The following SLC60A1 variants were observed in gnomAD, a reference collection of about 807,000 sequenced individuals.
SLC60A1 encodes the protein major facilitator superfamily domain containing 4.
At chr1:205,586,234 C>G in the SLC60A1 span, 1 of 1,611,344 alleles carries the variant, frequency 6.2e-7, no homozygotes, top group Non-Finnish European at 8.5e-7. Context: ...CCTCCTCTCT[C>G]TTCTGAGAGA....
At chr1:205,600,630 T>G in the SLC60A1 span, 1 of 617,344 alleles carries the variant, frequency 1.6e-6, no homozygotes, top group Non-Finnish European at 2.9e-6. Flanking sequence ...TGGTACCTGG[T>G]CAAAATCATT....
At chr1:205,596,449 A>C in the SLC60A1 span, among the ~76,000 whole-genome samples, 1 of 149,574 alleles carries the variant, frequency 6.7e-6, no homozygotes, top group South Asian at 2.1e-4. Context: ...AAATACAAAA[A>C]TTAGCCAGGT....
the SLC60A1 span, chr1:205,599,072 G>A: frequency 1.1e-5 from 18 of 1,604,938 alleles, no homozygotes; most frequent in Admixed American, 1.7e-5. Context: ...TGCTTCCTCC[G>A]ATACACCTTC....
At chr1:205,587,248 CCTCTAGTAA>C in the SLC60A1 span, among the ~76,000 whole-genome samples, 1 of 152,220 alleles carries the variant, frequency 6.6e-6, no homozygotes, top group Non-Finnish European at 1.5e-5. Context: ...TGCTTAAACA[CCTCTAGTAA>C]CTGCAACTCA....
chr1:205,578,342 C>T, the SLC60A1 span, among the ~76,000 whole-genome samples: 1 of 152,172 alleles, frequency 6.6e-6, no homozygotes. Context: ...TGATGAGCAG[C>T]CTGCTGTTTT....
chr1:205,592,603 C>G, the SLC60A1 span, among the ~76,000 whole-genome samples: 25 of 152,160 alleles, frequency 1.6e-4, no homozygotes, highest in South Asian at 4.1e-4. Flanking sequence ...CACCATCTCC[C>G]AGCGAGAACG....
At chr1:205,576,616 C>T in the SLC60A1 span, among the ~76,000 whole-genome samples, 6 of 152,214 alleles carry the variant, frequency 3.9e-5, no homozygotes, top group African/African-American at 1.2e-4. Flanking sequence ...TTTTAATTAT[C>T]CACATTCCTA....
At chr1:205,594,168 C>G in the SLC60A1 span, among the ~76,000 whole-genome samples, 1 of 152,218 alleles carries the variant, frequency 6.6e-6, no homozygotes, top group Non-Finnish European at 1.5e-5. Flanking sequence ...TCTCTCCCTG[C>G]AGCTTGTCCT....
the SLC60A1 span, chr1:205,569,330 GCGGCCCC>G: frequency 7.1e-7 from 1 of 1,402,466 alleles, no homozygotes; most frequent in Non-Finnish European, 9.3e-7. Context: ...CCCCCGCCCC[GCGGCCCC>G]CGGCACCCAC....
chr1:205,592,193 C>T, the SLC60A1 span: 1 of 1,614,190 alleles, frequency 6.2e-7, no homozygotes, highest in Non-Finnish European at 8.5e-7. Context: ...ACAACGTCGT[C>T]TTCCTGTTCG....
At chr1:205,580,587 G>T in the SLC60A1 span, 2 of 1,556,796 alleles carry the variant, frequency 1.3e-6, no homozygotes, top group South Asian at 1.2e-5. This position sits in a 1 kb window ranked among gnomAD's most constrained non-coding sequence, Gnocchi z 5.0. Flanking sequence ...CCTCTGGACC[G>T]GAGGCCAGGC....
chr1:205,596,772 C>G, the SLC60A1 span, among the ~76,000 whole-genome samples: 2 of 151,952 alleles, frequency 1.3e-5, no homozygotes, highest in Non-Finnish European at 2.9e-5. Context: ...GAAGGCAGTG[C>G]TGAGGGGCTT....
At chr1:205,571,105 T>C in the SLC60A1 span, among the ~76,000 whole-genome samples, 1 of 152,364 alleles carries the variant, frequency 6.6e-6, no homozygotes, top group South Asian at 2.1e-4. Flanking sequence ...CTAACTTTAT[T>C]CTGCACTTAC....
At chr1:205,599,661 G>T in the SLC60A1 span, among the ~76,000 whole-genome samples, 6 of 152,222 alleles carry the variant, frequency 3.9e-5, no homozygotes, top group Admixed American at 3.9e-4. Context: ...TGCAGTTCAG[G>T]ATTTTGATTC....
At chr1:205,591,649 C>G in the SLC60A1 span, among the ~76,000 whole-genome samples, 1 of 152,132 alleles carries the variant, frequency 6.6e-6, no homozygotes, top group Non-Finnish European at 1.5e-5. Flanking sequence ...GAGGATGGGA[C>G]CCTGCTGCCA....
chr1:205,572,336 C>CT, the SLC60A1 span, among the ~76,000 whole-genome samples: 6 of 152,266 alleles, frequency 3.9e-5, no homozygotes, highest in East Asian at 5.8e-4. Context: ...AGGTAAACAA[C>CT]TTTCAGAGCT....
chr1:205,575,775 T>C, the SLC60A1 span, among the ~76,000 whole-genome samples: 1 of 152,190 alleles, frequency 6.6e-6, no homozygotes, highest in African/African-American at 2.4e-5. Flanking sequence ...AACTTGGTCA[T>C]TTCTGAGACT....
At chr1:205,597,995 T>TA in the SLC60A1 span, 1 of 801,136 alleles carries the variant, frequency 1.2e-6, no homozygotes, top group Non-Finnish European at 2.1e-6. Flanking sequence ...GTGCCGTTGT[T>TA]ACCTGTTTCC....
chr1:205,579,383 A>G, the SLC60A1 span: 5 of 428,778 alleles, frequency 1.2e-5, no homozygotes, highest in Non-Finnish European at 2.1e-5. Flanking sequence ...TTGCATGCCT[A>G]TGACACATGC....
Sources: allele counts gnomAD v4.1 joint callset (sites outside exome capture counted in the v4.1 genomes callset), GRCh38; gene constraint gnomAD v4.1.1; non-coding constraint Gnocchi (gnomAD v3.1); transcripts MANE v1.5; gene names NCBI Gene and HGNC (gene_info 2026-07-23, HGNC 2026-07-21).